The following MAN2A1 variants were observed in gnomAD, a reference collection of about 807,000 sequenced individuals.
MAN2A1 encodes mannosidase alpha class 2A member 1, also known as alpha-mannosidase 2.
Under a neutral mutation model 142.6 loss-of-function variants are expected in MAN2A1, and 76 were observed. The ratio of observed to expected loss-of-function variants is 0.53; its 90% CI spans 0.44 to 0.65. MAN2A1 has a LOEUF of 0.65. Among genes scored for constraint, MAN2A1 ranks in the 30% least tolerant of loss-of-function variants. MAN2A1 has a pLI of 0.00. For missense variants in MAN2A1, 1,311 were observed against 1,365.1 expected, an observed-to-expected ratio of 0.96 and a Z score of 0.62; for synonymous variants, 559 against 473.2, an observed-to-expected ratio of 1.18 and a Z score of -2.35.
intron 4 of MAN2A1, among the ~76,000 whole-genome samples, chr5:109,730,165 A>T (rs1028146896): frequency 3.9e-5 from 6 of 152,178 alleles, no homozygotes; most frequent in African/African-American, 1.4e-4. Flanking sequence ...TTTGCTTTTT[A>T]GTCAGCAATA....
At chr5:109,723,776 A>G (rs1230569103) in intron 3 of MAN2A1, among the ~76,000 whole-genome samples, 2 of 152,098 alleles carry the variant, frequency 1.3e-5, no homozygotes, top group Non-Finnish European at 2.9e-5. Flanking sequence ...GCCATAACCA[A>G]CTTCCTGTCT....
At chr5:109,836,710 T>C (rs769368513) in intron 16 of MAN2A1, among the ~76,000 whole-genome samples, 5 of 152,192 alleles carry the variant, frequency 3.3e-5, no homozygotes, top group Non-Finnish European at 5.9e-5. Flanking sequence ...ATGCTTAATA[T>C]TATTTTACAA....
chr5:109,699,308 T>C (rs1308971682), intron 1 of MAN2A1, among the ~76,000 whole-genome samples: 2 of 152,170 alleles, frequency 1.3e-5, no homozygotes, highest in African/African-American at 2.4e-5. Context: ...GAATGTGTTA[T>C]GTACTCTGAC....
At chr5:109,696,225 C>G (rs930408979) in intron 1 of MAN2A1, among the ~76,000 whole-genome samples, 1 of 151,980 alleles carries the variant, frequency 6.6e-6, no homozygotes, top group Admixed American at 6.6e-5. Flanking sequence ...CTCAGCCTCC[C>G]GAGTAGCTGG....
At chr5:109,757,443 T>G (rs1239517811) in intron 5 of MAN2A1, among the ~76,000 whole-genome samples, 1 of 152,218 alleles carries the variant, frequency 6.6e-6, no homozygotes, top group East Asian at 1.9e-4. Context: ...ATCTTTCCAC[T>G]TGCAGCCAAC....
At position 109,716,274 on chromosome 5, in the gene MAN2A1, G is replaced by A. The variant is rs768863227; in HGVS notation, c.535+10G>A. ...TCCCATAACGACCCAGGTAAAATTT[G>A]CACTTCAAAAAGACAGGAGGTTATT... On this transcript the variant is annotated intron_variant, in intron 3 of 21. Coordinates refer to ENST00000261483, the MANE Select transcript of MAN2A1 (RefSeq NM_002372.4). The A allele has an allele frequency of 4.3e-5, 69 of 1,595,000 alleles. No homozygotes were observed. Among genetic ancestry groups the A allele is most frequent in the Non-Finnish European group, 5.5e-5 (65 of 1,171,244 alleles).
intron 16 of MAN2A1, among the ~76,000 whole-genome samples, chr5:109,825,777 C>G (rs1754739560): frequency 6.6e-6 from 1 of 152,082 alleles, no homozygotes; most frequent in Admixed American, 6.5e-5. Context: ...GCCCGGGCCA[C>G]TGAGGTTTGA....
intron 10 of MAN2A1, among the ~76,000 whole-genome samples, chr5:109,786,877 A>G (rs1753609090): frequency 6.6e-6 from 1 of 152,140 alleles, no homozygotes; most frequent in South Asian, 2.1e-4. Context: ...ATGTCATATG[A>G]AAAAAATCTG....
intron 16 of MAN2A1, among the ~76,000 whole-genome samples, chr5:109,834,451 G>A (rs1471666229): frequency 1.3e-5 from 2 of 151,622 alleles, no homozygotes; most frequent in African/African-American, 4.9e-5. Context: ...AAACCAAAAA[G>A]CCTTTCAGTT....
intron 16 of MAN2A1, among the ~76,000 whole-genome samples, chr5:109,824,355 T>A (rs551227988): frequency 1.3e-5 from 2 of 152,318 alleles, no homozygotes; most frequent in East Asian, 3.9e-4. Flanking sequence ...AGCATCTTTA[T>A]GAACCCAAGT....
At chr5:109,742,133 C>G (rs911864295) in intron 4 of MAN2A1, among the ~76,000 whole-genome samples, 1 of 152,220 alleles carries the variant, frequency 6.6e-6, no homozygotes, top group Non-Finnish European at 1.5e-5. Context: ...CAGCATGTTA[C>G]ATATTCATTG....
intron 19 of MAN2A1, 79 bp downstream of exon 19, chr5:109,847,869 T>A: frequency 9.0e-7 from 1 of 1,108,378 alleles, no homozygotes; most frequent in Non-Finnish European, 1.2e-6. Flanking sequence ...TTTCCACTTT[T>A]AAAATTTTAA....
intron 16 of MAN2A1, among the ~76,000 whole-genome samples, chr5:109,829,185 C>T (rs191138131): frequency 9.3e-4 from 141 of 152,270 alleles, no homozygotes; most frequent in African/African-American, 3.2e-3. Flanking sequence ...TTTCAGTCTA[C>T]TTATATTATT....
At chr5:109,690,624 C>G (rs1004363552) in intron 1 of MAN2A1, 72 bp downstream of exon 1, 2 of 1,486,736 alleles carry the variant, frequency 1.3e-6, no homozygotes, top group Non-Finnish European at 1.8e-6. Context: ...CGGCTGCTAC[C>G]CAACCTCTTC....
intron 12 of MAN2A1, among the ~76,000 whole-genome samples, chr5:109,815,492 G>T (rs1208021423): frequency 1.3e-5 from 2 of 152,144 alleles, no homozygotes; most frequent in Non-Finnish European, 2.9e-5. Context: ...GTTAGGTCCT[G>T]TTATCCTGAT....
intron 3 of MAN2A1, among the ~76,000 whole-genome samples, chr5:109,729,025 T>C (rs1751825160): frequency 8.8e-6 from 1 of 113,118 alleles, no homozygotes; most frequent in Admixed American, 8.2e-5. Context: ...TCCTTAGAGA[T>C]AAAAAATTGA....
At chr5:109,722,478 A>G (rs1298142875) in intron 3 of MAN2A1, among the ~76,000 whole-genome samples, 3 of 152,062 alleles carry the variant, frequency 2.0e-5, no homozygotes, top group African/African-American at 7.2e-5. Context: ...GCAGTGGTGC[A>G]ATCTCAGTTC....
chr5:109,796,139 A>G (rs1255792415), intron 12 of MAN2A1, among the ~76,000 whole-genome samples: 1 of 152,230 alleles, frequency 6.6e-6, no homozygotes, highest in Non-Finnish European at 1.5e-5. Context: ...TGAGTCACTG[A>G]TAAATGTTGG....
chr5:109,777,738 A>G (rs1255982144), intron 8 of MAN2A1, among the ~76,000 whole-genome samples: 3 of 152,028 alleles, frequency 2.0e-5, no homozygotes, highest in Admixed American at 2.0e-4. Flanking sequence ...ATTGCTGTGA[A>G]TTGTGTGAGG....
Sources: gnomAD v4.1 joint callset for allele counts (sites outside exome capture counted in the v4.1 genomes callset) on GRCh38, gnomAD v4.1.1 for gene constraint, MANE v1.5 for transcripts, NCBI Gene and HGNC (gene_info 2026-07-23, HGNC 2026-07-21) for gene names.